E2F6: variants seen among roughly 807,000 people sequenced by gnomAD.
E2F6 encodes the protein transcription factor E2F6.
A neutral mutation model predicts 31.5 loss-of-function variants in E2F6; 19 were observed. The ratio of observed to expected loss-of-function variants is 0.60; its 90% confidence interval spans 0.42 to 0.89. The LOEUF (loss-of-function observed/expected upper bound fraction) is 0.89, where lower values mean the gene tolerates loss of function less well. Ranked by LOEUF, E2F6 falls within the 40% of genes least tolerant of loss-of-function variation. The probability of loss-of-function intolerance (pLI) is 0.00; values close to 1 mark genes in which losing one functional copy is unlikely to be tolerated. For missense variants in E2F6, 269 were observed against 341.6 expected (o/e 0.79, Z 1.67); for synonymous variants, 121 against 127.7 (o/e 0.95, Z 0.36).
chr2:11,448,324 A>G (rs987786885), intron 5 of E2F6, among the ~76,000 whole-genome samples: 1 of 152,260 alleles, frequency 6.6e-6, no homozygotes, highest in Admixed American at 6.5e-5. Flanking sequence ...GTAAGGTATC[A>G]GGCAACTTCA....
intron 4 of E2F6, 108 bp downstream of exon 4, chr2:11,451,543 C>A: frequency 8.6e-7 from 1 of 1,163,250 alleles, no homozygotes; most frequent in South Asian, 1.9e-5. Flanking sequence ...TTTCAATGGT[C>A]TAATTTTATA....
chr2:11,453,901 G>T, intron 2 of E2F6, 103 bp from the exon 3 acceptor site: 1 of 1,006,282 alleles, frequency 9.9e-7, no homozygotes, highest in Non-Finnish European at 1.5e-6. Context: ...GACATCTACA[G>T]AAATGCCTAC....
intron 2 of E2F6, among the ~76,000 whole-genome samples, chr2:11,454,122 C>T (rs1671244843): frequency 6.6e-6 from 1 of 152,214 alleles, no homozygotes; most frequent in Non-Finnish European, 1.5e-5. Context: ...ATCCATACCA[C>T]TCTCAGGAAT....
At chr2:11,452,909 C>T (rs972491229) in intron 3 of E2F6, among the ~76,000 whole-genome samples, 6 of 152,170 alleles carry the variant, frequency 3.9e-5, no homozygotes, top group South Asian at 2.1e-4. Flanking sequence ...GAATCCCTTT[C>T]CTCTAATAAC....
rs1267614917 is a variant in E2F6 at position 11,447,626 on chromosome 2, C to T, written c.799+1G>A. 6.2e-7 allele frequency: 1 copy of T among 1,611,284 alleles called. No individual in the cohort carries two copies. On this transcript the variant is annotated splice_donor_variant, in intron 6 of 6. Transcript: ENST00000381525. LOFTEE classifies it high-confidence loss of function. ...ACTGTCAGAATCACTGGTATATTTA[C>T]CTTCCTCAGGGCCTTCTGGATGAGT...
At position 11,457,104 on chromosome 2, in the gene E2F6, A is replaced by C. The variant is rs138869607; in HGVS notation, c.163+75T>G. 543 of 1,136,658 alleles carry C rather than the reference A, an allele frequency of 4.8e-4. 3 individuals are homozygous for C. In the African/African-American group the frequency reaches 7.9e-3, roughly 16 times the overall value. 70.4% of individuals were successfully genotyped at this position (1,136,658 alleles called of 1,614,324 possible). ...GTATTTCAGTTTCTCATCAACTCAT[A>C]CACTTAAACAAATCATTTTAATCAT... is the stretch of plus-strand genomic sequence containing the variant. On this transcript the variant is annotated intron_variant, in intron 2 of 6. Coordinates refer to ENST00000381525, the MANE Select transcript of E2F6 (RefSeq NM_198256.4).
intron 5 of E2F6, among the ~76,000 whole-genome samples, chr2:11,449,147 T>C (rs1466272293): frequency 6.6e-6 from 1 of 152,222 alleles, no homozygotes; most frequent in Admixed American, 6.5e-5. Context: ...ATGTGTTGAT[T>C]GGCAGTTTCT....
At chr2:11,451,904 G>C in intron 3 of E2F6, 98 bp from the exon 4 acceptor site, 1 of 1,216,844 alleles carries the variant, frequency 8.2e-7, no homozygotes, top group South Asian at 1.4e-5. Flanking sequence ...TTTGCCATAA[G>C]TGTTTTCCAC....
chr2:11,451,433 C>T, intron 4 of E2F6: 1 of 336,744 alleles, frequency 3.0e-6, no homozygotes, highest in Admixed American at 5.1e-5. Context: ...TCACAGCAAC[C>T]TCGGCCTCCC....
Position 11,453,622 on chromosome 2 carries a change from C to T in E2F6, c.340G>A (p.Asp114Asn), listed in dbSNP as rs371271680. The T allele has an allele frequency of 8.8e-5, 142 of 1,614,072 alleles. No individual in the cohort carries two copies. In the South Asian group the frequency reaches 1.3e-3, roughly 15 times the overall value. Residue 114 changes from aspartate to asparagine, a missense_variant, in exon 3 of 7, where the codon GAC becomes AAC. Asp to Asn is a conservative substitution (Grantham distance 23). Coordinates refer to ENST00000381525, the MANE Select transcript of E2F6 (RefSeq NM_198256.4). ...TTCTTGGATTTCTTTTCAACGAGGT[C>T]GATTCCATCTAAGACATTGGTGATG... ...YDITNVLDGI[D>N]LVEKKSKNHI... is the part of the protein sequence containing the mutation.
chr2:11,446,882 G>T (rs1029062077), intron 6 of E2F6, among the ~76,000 whole-genome samples: 1 of 152,190 alleles, frequency 6.6e-6, no homozygotes. Flanking sequence ...GTCATTACAG[G>T]TATTCTTCGT....
chr2:11,466,104 G>A lies in E2F6; in HGVS notation c.-225C>T, dbSNP rs1329123904. ...CCCGACGCAGACGGAAAAAGAGGAGGGAGACCCGCGGATCTCAAGTCGCCC... is the reference window on the plus strand; with the variant it reads ...CCCGACGCAGACGGAAAAAGAGGAGAGAGACCCGCGGATCTCAAGTCGCCC... On this transcript the variant is annotated 5_prime_UTR_variant, in exon 1 of 7. Coordinates refer to ENST00000381525, the MANE Select transcript of E2F6 (RefSeq NM_198256.4). 4.0e-6 allele frequency: 2 copies of A among 494,906 alleles called. No individual in the cohort carries two copies. Among genetic ancestry groups the A allele is most frequent in the East Asian group, 3.7e-5 (1 of 27,156 alleles). 30.7% of individuals were successfully genotyped at this position (494,906 alleles called of 1,614,324 possible). A position where few individuals can be genotyped will look rare whatever the true frequency, so the allele number is the denominator to read the frequency against.
chr2:11,461,990 T>C (rs1462235654), intron 1 of E2F6, among the ~76,000 whole-genome samples: 1 of 152,232 alleles, frequency 6.6e-6, no homozygotes, highest in Non-Finnish European at 1.5e-5. Flanking sequence ...ATTTTGCATA[T>C]CTATAAACAG....
At position 11,447,731 on chromosome 2, in the gene E2F6, T is replaced by C; in HGVS notation, c.695A>G (p.Asp232Gly). 1 of 1,612,228 alleles carries C rather than the reference T, an allele frequency of 6.2e-7. No individual in the cohort carries two copies. The highest frequency in any genetic ancestry group is 8.5e-7 in the Non-Finnish European group (1 of 1,180,022). The change falls in exon 6 of 7, where the codon GAT becomes GGT. Residue 232 changes from aspartate to glycine, a missense_variant. Coordinates refer to ENST00000381525, the MANE Select transcript of E2F6 (RefSeq NM_198256.4). The part of the protein sequence containing the change: ...VHIRSTNGPI[D>G]VYLCEVEQGQ... ...CTGCTCCACTTCACACAAATAGACA[T>C]CGATAGGTCCGTTGGTGCTCCTTAT...
At chr2:11,454,251 T>C (rs1364694378) in intron 2 of E2F6, among the ~76,000 whole-genome samples, 1 of 152,188 alleles carries the variant, frequency 6.6e-6, no homozygotes, top group Non-Finnish European at 1.5e-5. Context: ...ACTCTATCCA[T>C]GTCATAGTGT....
In E2F6 at chr2:11,463,960, C is replaced by T. The variant is rs552314950; in HGVS notation, c.108+1812G>A. Reference sequence around the variant, plus strand: ...TGAGATCCTGCACCGGGGGGGGGGACAAAAACAAAAACAGAAAAACAAATC... The same window carrying T: ...TGAGATCCTGCACCGGGGGGGGGGATAAAAACAAAAACAGAAAAACAAATC... On this transcript the variant is annotated intron_variant, in intron 1 of 6. Transcript: ENST00000381525. 3.9e-4 allele frequency among the ~76,000 whole-genome samples: 27 copies of T among 70,006 alleles called. 1 individual carries two copies. In the South Asian group the frequency reaches 0.01, roughly 26 times the overall value. 45.9% of individuals were successfully genotyped at this position (70,006 alleles called of 152,430 possible).
chr2:11,458,402 A>T (rs1671547919), intron 1 of E2F6: 20 of 1,536,800 alleles, frequency 1.3e-5, no homozygotes, highest in Non-Finnish European at 1.8e-5. Flanking sequence ...AAATGAACAA[A>T]GGTGTGAAGA....
intron 5 of E2F6, among the ~76,000 whole-genome samples, chr2:11,449,316 A>ATTC (rs1670916746): frequency 6.6e-6 from 1 of 152,124 alleles, no homozygotes; most frequent in African/African-American, 2.4e-5. Context: ...TCAAGAAAAT[A>ATTC]TTCTTCGCTA....
At chr2:11,465,178 C>CAAAAAAAAAAAAAAAAAAAAAAAAAA (rs59561027) in intron 1 of E2F6, among the ~76,000 whole-genome samples, 11 of 88,548 alleles carry the variant, frequency 1.2e-4, no homozygotes, top group South Asian at 4.3e-4. Flanking sequence ...AACTCAATCT[C>CAAAAAAAAAAAAAAAAAAAAAAAAAA]AAAAAAAAAA....
Sources: allele counts gnomAD v4.1 joint callset (sites outside exome capture counted in the v4.1 genomes callset), GRCh38; gene constraint gnomAD v4.1.1; transcripts MANE v1.5; gene names NCBI Gene and HGNC (gene_info 2026-07-23, HGNC 2026-07-21).